Variants in MAGEA11 observed in about 807,000 individuals in gnomAD.
MAGEA11 encodes melanoma-associated antigen 11.
Under a neutral mutation model 8.4 loss-of-function variants are expected in MAGEA11, and 1 was observed. That is an observed-to-expected ratio of 0.12 (90% CI 0.04 to 0.57). The LOEUF (loss-of-function observed/expected upper bound fraction) is 0.57. Ranked by LOEUF, MAGEA11 falls within the 20% of genes least tolerant of loss-of-function variation. The pLI, the probability that MAGEA11 is intolerant of heterozygous loss-of-function variation, is 0.91. For synonymous variants in MAGEA11, 127 were observed against 119.3 expected (o/e 1.06, Z -0.42); for missense variants, 209 against 317.3 (o/e 0.66, Z 2.59).
intron 1 of MAGEA11, among the ~76,000 whole-genome samples, chrX:149,701,644 G>A (rs1421561104): frequency 9.1e-6 from 1 of 109,860 alleles, no homozygotes; most frequent in Non-Finnish European, 1.9e-5. Flanking sequence ...CCTTGTCCAT[G>A]CCTCTGTCCT....
chrX:149,709,754 GATACAGAAAA>G (rs2090391702), upstream of MAGEA11, among the ~76,000 whole-genome samples: 1 of 111,764 alleles, frequency 8.9e-6, no homozygotes, highest in Admixed American at 9.5e-5. Flanking sequence ...CATATTAATG[GATACAGAAAA>G]ATATTTTGAA....
upstream of MAGEA11, among the ~76,000 whole-genome samples, chrX:149,707,653 A>G (rs2090382895): frequency 8.9e-6 from 1 of 112,130 alleles, no homozygotes; most frequent in Admixed American, 9.4e-5. Context: ...TCCGTATTGT[A>G]TCCTCTAATA....
chrX:149,711,933 CCGCCCCGCCCCGCCTCGCCT>C (rs1257112509), upstream of MAGEA11: 193 of 321,347 alleles, frequency 6.0e-4, 2 homozygotes, highest in African/African-American at 4.6e-3. Context: ...CTGCCCCACC[CCGCCCCGCCCCGCCTCGCCT>C]CGCCCCGCCC....
chrX:149,701,941 C>T (rs1238013083), intron 1 of MAGEA11, among the ~76,000 whole-genome samples: 1 of 111,811 alleles, frequency 8.9e-6, no homozygotes, highest in African/African-American at 3.3e-5. Flanking sequence ...TGTTTTGGTA[C>T]CAGTACCATG....
At chrX:149,711,437 G>A (rs1367069307), upstream of MAGEA11, among the ~76,000 whole-genome samples, 2 of 111,923 alleles carry the variant, frequency 1.8e-5, no homozygotes, top group Non-Finnish European at 3.8e-5. Context: ...AGGAGCCCCC[G>A]TAGGAAGGTG....
Position 149,713,126 on chromosome X carries a change from G to A in MAGEA11, c.-17-17G>A. On this transcript the variant is annotated splice_polypyrimidine_tract_variant and intron_variant, in intron 1 of 4. Transcript: ENST00000355220. ...CCATAGTCCCGCCGTCTCAAACTGAGGTGCCTTTTCATTCAGCCTTGGGAA... is the reference window on the plus strand; with the variant it reads ...CCATAGTCCCGCCGTCTCAAACTGAAGTGCCTTTTCATTCAGCCTTGGGAA... 1.8e-6 allele frequency: 2 copies of A among 1,113,221 alleles called. No homozygotes were observed. The highest frequency in any genetic ancestry group is 2.5e-6 in the Non-Finnish European group (2 of 808,707). 91.7% of individuals were successfully genotyped at this position (1,113,221 alleles called of 1,213,427 possible). A position where few individuals can be genotyped will look rare whatever the true frequency, so the allele number is the denominator to read the frequency against.
intron 1 of MAGEA11, 74 bp from the exon 2 acceptor site, chrX:149,713,069 G>A: frequency 1.6e-6 from 1 of 634,964 alleles, no homozygotes; most frequent in Non-Finnish European, 2.5e-6. Flanking sequence ...AGGGACAACT[G>A]AAGGGACCCA....
chrX:149,688,640 GTACATATACATATACACATACATA>G (rs1429095955), upstream of MAGEA11, among the ~76,000 whole-genome samples: 554 of 104,228 alleles, frequency 5.3e-3, 6 homozygotes, highest in African/African-American at 0.02. Context: ...ATATATGTAT[GTACATATACATATACACATACATA>G]TACATATACA....
upstream of MAGEA11, among the ~76,000 whole-genome samples, chrX:149,707,860 A>G (rs2090383785): frequency 8.9e-6 from 1 of 112,511 alleles, no homozygotes; most frequent in South Asian, 3.7e-4. Flanking sequence ...ACATGGTGAT[A>G]AATACTATGG....
chrX:149,688,657 CATACATATACATATACAT>C (rs58756024), upstream of MAGEA11, among the ~76,000 whole-genome samples: 10,392 of 98,766 alleles, frequency 0.11, 632 homozygotes, highest in Admixed American at 0.27. Flanking sequence ...TACATATACA[CATACATATACATATACAT>C]ATACATATAC....
At chrX:149,703,532 C>G (rs782116618) in intron 1 of MAGEA11, among the ~76,000 whole-genome samples, 1 of 111,474 alleles carries the variant, frequency 9.0e-6, no homozygotes, top group African/African-American at 3.3e-5. Flanking sequence ...GAGGGTGAGC[C>G]TGGAGGAATT....
At chrX:149,693,648 G>A (rs2090319117) in intron 1 of MAGEA11, among the ~76,000 whole-genome samples, 1 of 111,895 alleles carries the variant, frequency 8.9e-6, no homozygotes, top group African/African-American at 3.2e-5. Flanking sequence ...CTATTAATAA[G>A]TTGTGCCATA....
intron 1 of MAGEA11, 104 bp from the exon 2 acceptor site, chrX:149,713,039 T>G: frequency 2.0e-6 from 1 of 506,051 alleles, no homozygotes; most frequent in South Asian, 2.7e-5. Flanking sequence ...CAGTCCCTGC[T>G]GGGAGGTGAG....
At chrX:149,688,705 T>TATACAC (rs1290959218), upstream of MAGEA11, 414 of 141,984 alleles carry the variant, frequency 2.9e-3, no homozygotes, top group African/African-American at 0.02. Context: ...TACATATACA[T>TATACAC]ATACACATAC....
At chrX:149,705,604 G>T (rs1316173366) in intron 1 of MAGEA11, among the ~76,000 whole-genome samples, 1 of 112,500 alleles carries the variant, frequency 8.9e-6, no homozygotes. Flanking sequence ...GAAGTTAAGT[G>T]CAGGGTTTCA....
At chrX:149,714,338 C>T in intron 2 of MAGEA11, 143 bp from the exon 3 acceptor site, 1 of 917,474 alleles carries the variant, frequency 1.1e-6, no homozygotes, top group East Asian at 3.4e-5. Flanking sequence ...CAGGCCCTGG[C>T]AGAAGTAAAG....
At chrX:149,711,936 C>A, upstream of MAGEA11, 1 of 356,230 alleles carries the variant, frequency 2.8e-6, no homozygotes, top group Non-Finnish European at 3.6e-6. Context: ...CCCCACCCCG[C>A]CCCGCCCCGC....
intron 1 of MAGEA11, among the ~76,000 whole-genome samples, chrX:149,701,526 C>T (rs1443743585): frequency 9.2e-6 from 1 of 108,607 alleles, no homozygotes; most frequent in African/African-American, 3.4e-5. Context: ...TGCCTGTTCA[C>T]TCTGATGGTA....
chrX:149,697,757 C>T (rs1380002100), intron 1 of MAGEA11, among the ~76,000 whole-genome samples: 1 of 111,766 alleles, frequency 8.9e-6, no homozygotes, highest in African/African-American at 3.3e-5. Flanking sequence ...CTAAAAGGGG[C>T]CAATGTACTG....
Sources: allele counts gnomAD v4.1 joint callset (sites outside exome capture counted in the v4.1 genomes callset), GRCh38; gene constraint gnomAD v4.1.1; transcripts MANE v1.5; gene names NCBI Gene and HGNC (gene_info 2026-07-23, HGNC 2026-07-21).